MAP3K5: variants seen among roughly 807,000 people sequenced by gnomAD.
MAP3K5 encodes the protein mitogen-activated protein kinase kinase kinase 5.
In MAP3K5, 56 loss-of-function variants were observed where a neutral mutation model predicts 158.7. The ratio of observed to expected loss-of-function variants is 0.35; its 90% confidence interval spans 0.28 to 0.44. MAP3K5 has a LOEUF of 0.44. Among genes scored for constraint, MAP3K5 ranks in the 20% least tolerant of loss-of-function variants. MAP3K5 has a pLI of 1.00. For synonymous variants in MAP3K5, 579 were observed against 601.7 expected (o/e 0.96, Z 0.55); for missense variants, 1,294 against 1,674.8 (o/e 0.77, Z 3.97).
intron 7 of MAP3K5, among the ~76,000 whole-genome samples, chr6:136,693,355 A>C (rs1024718371): frequency 6.6e-6 from 1 of 152,178 alleles, no homozygotes; most frequent in African/African-American, 2.4e-5. Flanking sequence ...AAGTCCTTCC[A>C]CCTTGTGCTT....
At chr6:136,620,030 G>A (rs1776733660) in intron 15 of MAP3K5, among the ~76,000 whole-genome samples, 1 of 152,228 alleles carries the variant, frequency 6.6e-6, no homozygotes, top group Non-Finnish European at 1.5e-5. Flanking sequence ...AGCACTTTGG[G>A]AGGCTGAGGT....
chr6:136,635,852 C>CACCTCCAGCCCG (rs1777608432), intron 14 of MAP3K5, among the ~76,000 whole-genome samples: 2 of 151,906 alleles, frequency 1.3e-5, no homozygotes, highest in African/African-American at 2.4e-5. Flanking sequence ...CACTGCACTC[C>CACCTCCAGCCCG]ACCTCCAGCC....
intron 15 of MAP3K5, among the ~76,000 whole-genome samples, chr6:136,619,060 C>T (rs1776691762): frequency 6.6e-6 from 1 of 152,162 alleles, no homozygotes; most frequent in African/African-American, 2.4e-5. Context: ...TCTGGACTGA[C>T]ATATGGAGCC....
At chr6:136,665,629 A>G (rs1447693109) in intron 8 of MAP3K5, among the ~76,000 whole-genome samples, 1 of 152,180 alleles carries the variant, frequency 6.6e-6, no homozygotes, top group Non-Finnish European at 1.5e-5. Context: ...TACAGGCCTG[A>G]GCCACCACGC....
intron 7 of MAP3K5, among the ~76,000 whole-genome samples, chr6:136,675,897 G>A (rs548494757): frequency 1.3e-5 from 2 of 152,108 alleles, no homozygotes; most frequent in Admixed American, 6.5e-5. Flanking sequence ...AAAAATTAAC[G>A]CTAAGCCCTC....
chr6:136,660,939 C>A (rs904219002), intron 8 of MAP3K5, among the ~76,000 whole-genome samples: 1 of 150,356 alleles, frequency 6.7e-6, no homozygotes, highest in African/African-American at 2.5e-5. Flanking sequence ...CCTGTGGACA[C>A]AAAACAGCTT....
intron 1 of MAP3K5, among the ~76,000 whole-genome samples, chr6:136,763,733 T>C (rs978964693): frequency 3.3e-5 from 5 of 152,152 alleles, no homozygotes; most frequent in Non-Finnish European, 7.3e-5. Context: ...CCTCCAAGTG[T>C]CATGGTGAAA....
chr6:136,717,205 C>T (rs544308821), intron 2 of MAP3K5, among the ~76,000 whole-genome samples: 2 of 151,636 alleles, frequency 1.3e-5, no homozygotes, highest in East Asian at 2.0e-4. Context: ...CAAAATAGTA[C>T]TTGTGATTTA....
chr6:136,629,484 A>T (rs369070504), intron 14 of MAP3K5, among the ~76,000 whole-genome samples: 35 of 152,034 alleles, frequency 2.3e-4, no homozygotes, highest in Non-Finnish European at 4.4e-4. Context: ...AGAAGGAGTC[A>T]CGCTCTGTCG....
In MAP3K5 at chr6:136,726,950, G is replaced by A. The variant is rs139056205; in HGVS notation, c.449-6361C>T. On this transcript the variant is annotated intron_variant, in intron 1 of 29. Coordinates refer to ENST00000359015, the MANE Select transcript of MAP3K5 (RefSeq NM_005923.4). Reference sequence around the variant, plus strand: ...GAAGGGATTTTGTTTTTTCCCTTCCGATTTGTATGCCTTTTGTTTTTTGTT... The same window carrying A: ...GAAGGGATTTTGTTTTTTCCCTTCCAATTTGTATGCCTTTTGTTTTTTGTT... 1.8e-3 allele frequency among the ~76,000 whole-genome samples: 278 copies of A among 151,992 alleles called. 1 individual carries two copies. Among genetic ancestry groups the A allele is most frequent in the African/African-American group, 6.4e-3 (265 of 41,454 alleles).
chr6:136,769,802 AG>A (rs1316777550), intron 1 of MAP3K5, among the ~76,000 whole-genome samples: 1 of 44,766 alleles, frequency 2.2e-5, no homozygotes. Flanking sequence ...GAAGGGAGGG[AG>A]GGAGGGAGGG....
intron 15 of MAP3K5, among the ~76,000 whole-genome samples, chr6:136,618,441 T>C (rs899809707): frequency 6.6e-6 from 1 of 152,192 alleles, no homozygotes; most frequent in African/African-American, 2.4e-5. Flanking sequence ...AGCTGAAACA[T>C]CTTGTTGGTG....
At chr6:136,624,716 T>C (rs1214302770) in intron 14 of MAP3K5, among the ~76,000 whole-genome samples, 1 of 152,178 alleles carries the variant, frequency 6.6e-6, no homozygotes, top group Admixed American at 6.5e-5. Flanking sequence ...AGTAATTTTT[T>C]AAATGAGAAG....
At chr6:136,594,123 GAATTGACCAATTAAGTACCAGTATGCAA>G (rs1215726608) in intron 21 of MAP3K5, among the ~76,000 whole-genome samples, 1 of 152,232 alleles carries the variant, frequency 6.6e-6, no homozygotes, top group East Asian at 1.9e-4. Context: ...AAGAGTTGCT[GAATTGACCAATTAAGTACCAGTATGCAA>G]ATGATATATG....
chr6:136,634,909 A>G (rs1777548213), intron 14 of MAP3K5, among the ~76,000 whole-genome samples: 1 of 147,770 alleles, frequency 6.8e-6, no homozygotes, highest in South Asian at 2.1e-4. Context: ...TTTGAGACGG[A>G]GTTTTGCTCT....
chr6:136,775,847 T>C (rs954096969), intron 1 of MAP3K5, among the ~76,000 whole-genome samples: 1 of 152,230 alleles, frequency 6.6e-6, no homozygotes, highest in African/African-American at 2.4e-5. Context: ...TGCATTCCCT[T>C]CTGGGATCAC....
chr6:136,651,220 C>T (rs999888254), intron 10 of MAP3K5, 129 bp from the exon 11 acceptor site: 7 of 530,682 alleles, frequency 1.3e-5, no homozygotes, highest in African/African-American at 1.2e-4. Flanking sequence ...CTGGAGTAAA[C>T]CATTTCAACT....
At chr6:136,608,580 G>A (rs1776200376) in intron 18 of MAP3K5, among the ~76,000 whole-genome samples, 1 of 152,112 alleles carries the variant, frequency 6.6e-6, no homozygotes, top group African/African-American at 2.4e-5. Flanking sequence ...GAGTGTGCCG[G>A]GGACAGGTTT....
chr6:136,777,177 C>T (rs774543412), intron 1 of MAP3K5, among the ~76,000 whole-genome samples: 33 of 152,216 alleles, frequency 2.2e-4, no homozygotes, highest in Non-Finnish European at 8.8e-5. Flanking sequence ...TTCACTAGGT[C>T]AAGCCAAGCA....
Sources: gnomAD v4.1 joint callset for allele counts (sites outside exome capture counted in the v4.1 genomes callset) on GRCh38, gnomAD v4.1.1 for gene constraint, MANE v1.5 for transcripts, NCBI Gene and HGNC (gene_info 2026-07-23, HGNC 2026-07-21) for gene names.